Variants in TBC1D5 observed in about 807,000 individuals in gnomAD.
TBC1D5 encodes the protein TBC1 domain family, member 5.
Under a neutral mutation model 100.3 loss-of-function variants are expected in TBC1D5, and 75 were observed. That is an observed-to-expected ratio of 0.75 (90% confidence interval 0.62 to 0.91). TBC1D5 has a LOEUF of 0.91. Ranked by LOEUF, TBC1D5 falls within the 40% of genes least tolerant of loss-of-function variation. The pLI is 0.00. For synonymous variants in TBC1D5, 323 were observed against 325.6 expected (o/e 0.99, Z 0.09); for missense variants, 910 against 942.4 (o/e 0.97, Z 0.45).
intron 1 of TBC1D5, among the ~76,000 whole-genome samples, chr3:17,670,518 A>G (rs1417764045): frequency 6.6e-6 from 1 of 152,194 alleles, no homozygotes; most frequent in Non-Finnish European, 1.5e-5. Context: ...ACTACCTTTT[A>G]GGATAGTAGT....
intron 2 of TBC1D5, among the ~76,000 whole-genome samples, chr3:17,529,615 G>T (rs1484430598): frequency 2.0e-5 from 3 of 151,906 alleles, no homozygotes; most frequent in African/African-American, 7.3e-5. Context: ...GCCTAACACG[G>T]TGCTGGTACA....
chr3:17,236,760 G>A (rs1487840270), intron 17 of TBC1D5, among the ~76,000 whole-genome samples: 2 of 151,972 alleles, frequency 1.3e-5, no homozygotes, highest in Non-Finnish European at 2.9e-5. Flanking sequence ...GATTACATGC[G>A]TGAACCACCA....
intron 3 of TBC1D5, among the ~76,000 whole-genome samples, chr3:17,435,757 G>C (rs1227090866): frequency 6.6e-6 from 1 of 152,226 alleles, no homozygotes; most frequent in African/African-American, 2.4e-5. Context: ...AGGCCTGGGA[G>C]CAAAAGCTGG....
chr3:17,518,989 C>T (rs1402719757), intron 2 of TBC1D5: 1 of 152,308 alleles, frequency 6.6e-6, no homozygotes, highest in Non-Finnish European at 1.5e-5. Context: ...TGCTCGCAGG[C>T]TCCCTCCTGC....
At chr3:17,249,296 C>T (rs778981840) in intron 16 of TBC1D5, among the ~76,000 whole-genome samples, 3 of 152,228 alleles carry the variant, frequency 2.0e-5, no homozygotes, top group African/African-American at 4.8e-5. Context: ...CAGCTTCTGA[C>T]GTGCCTTCCT....
At chr3:17,543,856 A>G (rs983587168) in intron 2 of TBC1D5, among the ~76,000 whole-genome samples, 13 of 151,826 alleles carry the variant, frequency 8.6e-5, no homozygotes, top group African/African-American at 3.1e-4. Context: ...TGGGGCCTGA[A>G]AAGTTGTTTG....
At chr3:17,289,581 C>T (rs1023542675) in intron 15 of TBC1D5, among the ~76,000 whole-genome samples, 2 of 151,596 alleles carry the variant, frequency 1.3e-5, no homozygotes, top group Admixed American at 1.3e-4. Flanking sequence ...TTGCAGTGAG[C>T]CGAGACCACA....
chr3:17,166,753 C>T lies in TBC1D5; in HGVS notation c.2094+14G>A, dbSNP rs146910972. The stretch of plus-strand genomic sequence containing the variant: ...CTTTGAGTTAATGTAACATGTTCCT[C>T]AGAGTTTCTGTACCTGTTTAATGGC... On this transcript the variant is annotated intron_variant, in intron 21 of 21. Coordinates refer to ENST00000253692, the Ensembl canonical transcript of TBC1D5. The T allele has an allele frequency of 4.2e-4, 668 of 1,595,628 alleles. 5 individuals are homozygous for T. The highest frequency in any genetic ancestry group is 6.5e-5 in the Non-Finnish European group (76 of 1,173,062).
intron 2 of TBC1D5, among the ~76,000 whole-genome samples, chr3:17,573,625 T>C (rs1449576979): frequency 6.6e-6 from 1 of 152,054 alleles, no homozygotes. Flanking sequence ...CTACTTGCAG[T>C]TCCTCAATAC....
At chr3:17,157,208 C>T (rs2065656972) in exon 22 of TBC1D5, 1 of 152,176 alleles carries the variant, frequency 6.6e-6, no homozygotes, top group Admixed American at 6.5e-5. Context: ...TGAATGGGGT[C>T]GCTTTGCCAA....
At chr3:17,487,441 TTAAC>T (rs1188082486) in intron 3 of TBC1D5, among the ~76,000 whole-genome samples, 11 of 152,216 alleles carry the variant, frequency 7.2e-5, no homozygotes, top group Non-Finnish European at 1.6e-4. Context: ...TGCTCACTAA[TTAAC>T]AAGAGAATTC....
chr3:17,247,983 C>T (rs1290030925), intron 16 of TBC1D5, among the ~76,000 whole-genome samples: 1 of 148,984 alleles, frequency 6.7e-6, no homozygotes, highest in Non-Finnish European at 1.5e-5. Context: ...TTACTTCCTC[C>T]ACTAATTTTT....
chr3:17,540,070 G>A (rs2096333705), intron 2 of TBC1D5, among the ~76,000 whole-genome samples: 1 of 152,160 alleles, frequency 6.6e-6, no homozygotes, highest in South Asian at 2.1e-4. Flanking sequence ...TTATAGTTTT[G>A]ATTTGGATTT....
chr3:17,395,058 C>T (rs1396947863), intron 8 of TBC1D5, among the ~76,000 whole-genome samples: 1 of 151,882 alleles, frequency 6.6e-6, no homozygotes, highest in Non-Finnish European at 1.5e-5. Flanking sequence ...TAAGAAATCA[C>T]CATACAGTTG....
At chr3:17,591,262 A>AAAAAAC (rs763680272) in intron 2 of TBC1D5, among the ~76,000 whole-genome samples, 1 of 112,798 alleles carries the variant, frequency 8.9e-6, no homozygotes. Context: ...AAAAAAAAAA[A>AAAAAAC]AAAACAAAAA....
chr3:17,541,708 C>T (rs1410035570), intron 2 of TBC1D5, among the ~76,000 whole-genome samples: 1 of 152,170 alleles, frequency 6.6e-6, no homozygotes, highest in East Asian at 1.9e-4. Context: ...ATGGTTAGAA[C>T]ATCCATTACT....
At chr3:17,270,372 ATT>A (rs1387548339) in intron 15 of TBC1D5, among the ~76,000 whole-genome samples, 1 of 152,010 alleles carries the variant, frequency 6.6e-6, no homozygotes, top group Admixed American at 6.5e-5. Flanking sequence ...TTCCTTATAC[ATT>A]TTGGATATCA....
exon 17 of TBC1D5, chr3:17,238,349 A>G: frequency 6.2e-7 from 1 of 1,613,996 alleles, no homozygotes; most frequent in Non-Finnish European, 8.5e-7. Context: ...GGGGAAATCA[A>G]CTTTCTTCCA....
chr3:17,622,380 T>C (rs1169967698), intron 2 of TBC1D5, among the ~76,000 whole-genome samples: 2 of 152,090 alleles, frequency 1.3e-5, no homozygotes, highest in African/African-American at 2.4e-5. Flanking sequence ...CTCAAAAATG[T>C]CTGCATGTGT....
Sources: gnomAD v4.1 joint callset for allele counts (sites outside exome capture counted in the v4.1 genomes callset) on GRCh38, gnomAD v4.1.1 for gene constraint, MANE v1.5 for transcripts, NCBI Gene and HGNC (gene_info 2026-07-23, HGNC 2026-07-21) for gene names.